The following TTYH1 variants were observed in gnomAD, a reference collection of about 807,000 sequenced individuals.
The protein encoded by TTYH1 is tweety family member 1.
A neutral mutation model predicts 61.2 loss-of-function variants in TTYH1; 33 were observed. The ratio of observed to expected loss-of-function variants is 0.54; its 90% CI spans 0.41 to 0.72. TTYH1 has a LOEUF of 0.72. TTYH1 is among the 30% of genes least tolerant of loss of function. TTYH1 has a pLI of 0.00. For missense variants in TTYH1, 538 were observed against 575.8 expected, an observed-to-expected ratio of 0.93 and a Z score of 0.67; for synonymous variants, 308 against 266.4, an observed-to-expected ratio of 1.16 and a Z score of -1.52.
At chr19:54,418,009 C>G (rs1220637096) in intron 1 of TTYH1, among the ~76,000 whole-genome samples, 2 of 142,146 alleles carry the variant, frequency 1.4e-5, no homozygotes, top group African/African-American at 5.2e-5. Context: ...ACACTTGGGA[C>G]ACACACACAC....
At chr19:54,424,617 G>A (rs932290002) in intron 4 of TTYH1, among the ~76,000 whole-genome samples, 6 of 152,228 alleles carry the variant, frequency 3.9e-5, no homozygotes, top group African/African-American at 1.4e-4. Context: ...GGAAGTGGTG[G>A]GAGCCATAAG....
chr19:54,431,048 A>C, intron 9 of TTYH1, 51 bp from the exon 10 acceptor site: 1 of 1,499,814 alleles, frequency 6.7e-7, no homozygotes, highest in Middle Eastern at 2.0e-4. Flanking sequence ...GGCCAGGGCG[A>C]TGGGCGGGCC....
rs1382449110 is a variant in TTYH1 at position 54,417,571 on chromosome 19, AAC to A, written c.127-1549_127-1548del. Reference sequence around the variant, plus strand: ...ACGCACATTGCGCACAGTGACTCACAACACACACATACACATGTATAAGCATT... The same window carrying A: ...ACGCACATTGCGCACAGTGACTCACAACACACATACACATGTATAAGCATT... On this transcript the variant is annotated intron_variant, in intron 1 of 13. Coordinates refer to ENST00000376530, the MANE Select transcript of TTYH1 (RefSeq NM_020659.4). Among the ~76,000 whole-genome samples the A allele has an allele frequency of 7.3e-5, 11 of 150,290 alleles. No homozygotes were observed. In the South Asian group the frequency reaches 1.0e-3, roughly 14 times the overall value.
intron 10 of TTYH1, 81 bp from the exon 11 acceptor site, chr19:54,435,461 G>T: frequency 1.3e-6 from 2 of 1,492,058 alleles, no homozygotes; most frequent in Non-Finnish European, 1.8e-6. Flanking sequence ...ACAGCCGGGA[G>T]GACGGTCAGA....
At chr19:54,433,559 CAAAAAAAA>C (rs201041157) in intron 10 of TTYH1, 1 of 118,582 alleles carries the variant, frequency 8.4e-6, no homozygotes, top group African/African-American at 3.1e-5. Context: ...GAATCCGTCT[CAAAAAAAA>C]AAAAAAAAAT....
intron 1 of TTYH1, among the ~76,000 whole-genome samples, chr19:54,418,086 A>G (rs1722129776): frequency 1.3e-5 from 2 of 151,982 alleles, no homozygotes; most frequent in South Asian, 2.1e-4. Context: ...GGTTTAGGGG[A>G]AACAGCCTTG....
At chr19:54,428,981 TG>T (rs1403127977) in intron 5 of TTYH1, among the ~76,000 whole-genome samples, 1 of 152,068 alleles carries the variant, frequency 6.6e-6, no homozygotes, top group Non-Finnish European at 1.5e-5. Context: ...TGGGTGGACT[TG>T]GGGGAGCCTT....
rs751756892 is a variant in TTYH1 at position 54,435,879 on chromosome 19, G to A, written c.1314+6G>A. The A allele has an allele frequency of 1.9e-6, 3 of 1,613,806 alleles. No homozygotes were observed. The highest frequency in any genetic ancestry group is 2.5e-6 in the Non-Finnish European group (3 of 1,179,936). On this transcript the variant is annotated splice_donor_region_variant and intron_variant, in intron 12 of 13. Coordinates refer to ENST00000376530, the MANE Select transcript of TTYH1 (RefSeq NM_020659.4). Reference sequence around the variant, plus strand: ...ACGACCCTTTCAACCCTCAGGTACTGGATGCCTGGGTCTGAGGGAGGAGGG... The same window carrying A: ...ACGACCCTTTCAACCCTCAGGTACTAGATGCCTGGGTCTGAGGGAGGAGGG...
rs1187785427 is a variant in TTYH1 at position 54,431,103 on chromosome 19, C to T, written c.1037C>T (p.Pro346Leu). The change falls in exon 10 of 14, where the codon CCT becomes CTT. Residue 346 changes from proline (P) to leucine (L), a missense_variant. By Grantham distance (98) the Pro-to-Leu change is moderately conservative. Coordinates refer to ENST00000376530, the MANE Select transcript of TTYH1 (RefSeq NM_020659.4). ...CGACCCCTCCTCGCCCCGCAGAAGC[C>T]TCTGCTGTCCTTGGAGGAGACTCTG... ...AVPQFPSAQK[P>L]LLSLEETLNV... is the part of the protein sequence containing the mutation. 1.2e-6 allele frequency: 2 copies of T among 1,612,746 alleles called. No individual in the cohort carries two copies. Among genetic ancestry groups the T allele is most frequent in the Non-Finnish European group, 8.5e-7 (1 of 1,178,738 alleles).
chr19:54,428,238 T>A (rs2083370017), intron 5 of TTYH1, among the ~76,000 whole-genome samples: 1 of 151,872 alleles, frequency 6.6e-6, no homozygotes, highest in South Asian at 2.1e-4. Flanking sequence ...TACAGGCGTA[T>A]GCCACCAAAC....
chr19:54,422,588 C>T (rs2122883076), intron 4 of TTYH1, among the ~76,000 whole-genome samples, 178 bp downstream of exon 4: 1 of 152,188 alleles, frequency 6.6e-6, no homozygotes, highest in South Asian at 2.1e-4. Flanking sequence ...GCACAAGAAC[C>T]CCCTCCCCAC....
At chr19:54,433,175 ACT>A (rs1308360230) in intron 10 of TTYH1, 1 of 152,032 alleles carries the variant, frequency 6.6e-6, no homozygotes, top group African/African-American at 2.4e-5. Flanking sequence ...AGGACAGATC[ACT>A]CTACCCTTCC....
chr19:54,435,941 G>T, intron 12 of TTYH1, 68 bp downstream of exon 12: 7 of 1,598,464 alleles, frequency 4.4e-6, no homozygotes, highest in Non-Finnish European at 6.0e-6. Flanking sequence ...GAGGGAGGAG[G>T]AGCTGAGGGC....
At position 54,421,385 on chromosome 19, in the gene TTYH1, C is replaced by A. The variant is rs947129691; in HGVS notation, c.414C>A (p.His138Gln). Residue 138 changes from histidine to glutamine, a missense_variant, in exon 3 of 14, where the codon CAC becomes CAA. Coordinates refer to ENST00000376530, the MANE Select transcript of TTYH1 (RefSeq NM_020659.4). This position sits in a 1 kb window ranked among gnomAD's most constrained non-coding sequence, Gnocchi z 4.8. The part of the protein sequence containing the change: ...HANHTLSTID[H>Q]LVLETVERLG... ...ACCACACACTCAGCACCATTGACCA[C>A]CTGGTGAGGGGCCAGCAACCAGTGG... The A allele has an allele frequency of 1.2e-6, 2 of 1,609,952 alleles. No homozygotes were observed. Among genetic ancestry groups the A allele is most frequent in the African/African-American group, 2.7e-5 (2 of 74,830 alleles).
In TTYH1 at chr19:54,415,738, AG is replaced by A; in HGVS notation, c.126+63del. On this transcript the variant is annotated intron_variant, in intron 1 of 13. Coordinates refer to ENST00000376530, the MANE Select transcript of TTYH1 (RefSeq NM_020659.4). This position sits in a 1 kb window ranked among gnomAD's most constrained non-coding sequence, Gnocchi z 5.2. ...TGGGGGCCGGAGCTCCTGGGTCCCG[AG>A]GGAGAAGGGGGCTGGGTCACAGATT... The A allele has an allele frequency of 7.1e-7, 1 of 1,413,122 alleles. No individual in the cohort carries two copies. Among genetic ancestry groups the A allele is most frequent in the Non-Finnish European group, 9.3e-7 (1 of 1,070,708 alleles). The allele number at this position is 1,413,122 out of a possible 1,614,324, so 87.5% of individuals were successfully genotyped here.
chr19:54,430,744 C>T (rs2083420947), intron 8 of TTYH1, 69 bp from the exon 9 acceptor site: 2 of 1,585,780 alleles, frequency 1.3e-6, no homozygotes, highest in African/African-American at 1.3e-5. Flanking sequence ...GTGCTGTGTC[C>T]GGAGGAGAGG....
intron 4 of TTYH1, chr19:54,426,453 T>C: frequency 1.7e-6 from 1 of 593,000 alleles, no homozygotes; most frequent in South Asian, 2.1e-5. Flanking sequence ...GCTCAGGACC[T>C]GTATTCTAAA....
Position 54,415,521 on chromosome 19 carries a change from C to T in TTYH1, c.-32C>T. On this transcript the variant is annotated 5_prime_UTR_variant, in exon 1 of 14. Coordinates refer to ENST00000376530, the MANE Select transcript of TTYH1 (RefSeq NM_020659.4). This position sits in a 1 kb window ranked among gnomAD's most constrained non-coding sequence, Gnocchi z 5.2. ...ACTCCGGAGGCTCCCGCAGCCCCGG[C>T]GTCCGCCCCGCTGCCCCCTCCCCCG... 3.6e-6 allele frequency: 5 copies of T among 1,395,580 alleles called. No individual in the cohort carries two copies. Among genetic ancestry groups the T allele is most frequent in the Non-Finnish European group, 4.6e-6 (5 of 1,079,996 alleles). The allele number at this position is 1,395,580 out of a possible 1,614,324, so 86.4% of individuals were successfully genotyped here. A position where few individuals can be genotyped will look rare whatever the true frequency, so the allele number is the denominator to read the frequency against.
chr19:54,431,165 C>G lies in TTYH1; in HGVS notation c.1099C>G (p.Leu367Val). Residue 367 changes from leucine to valine, a missense_variant, in exon 10 of 14, where the codon CTG (leucine) becomes GTG (valine). By Grantham distance (32) the Leu-to-Val change is conservative. Transcript: ENST00000376530. ...TEGNFHQLVA[L>V]LHCRSLHKDY... Reference sequence around the variant, plus strand: ...AGGAAATTTCCACCAGTTGGTGGCACTGCTACACTGCCGCAGCCTGCACAA... The same window carrying G: ...AGGAAATTTCCACCAGTTGGTGGCAGTGCTACACTGCCGCAGCCTGCACAA... 1 of 1,613,380 alleles carries G rather than the reference C, an allele frequency of 6.2e-7. No individual in the cohort carries two copies. Among genetic ancestry groups the G allele is most frequent in the Non-Finnish European group, 8.5e-7 (1 of 1,179,334 alleles).
Sources: gnomAD v4.1 joint callset for allele counts (sites outside exome capture counted in the v4.1 genomes callset) on GRCh38, gnomAD v4.1.1 for gene constraint, Gnocchi (gnomAD v3.1) non-coding constraint, MANE v1.5 for transcripts, NCBI Gene and HGNC (gene_info 2026-07-23, HGNC 2026-07-21) for gene names.